Variants in CORO7 observed in about 807,000 individuals in gnomAD.
CORO7 encodes the protein coronin 7.
CORO7 carries 107 observed loss-of-function variants against 126.6 expected under a neutral mutation model. That is an observed-to-expected ratio of 0.85 (90% CI 0.72 to 0.99). The LOEUF is 0.99. Among genes scored for constraint, CORO7 ranks in the 50% least tolerant of loss-of-function variants. The pLI, the probability that CORO7 is intolerant of heterozygous loss-of-function variation, is 0.00. For missense variants in CORO7, 1,314 were observed against 1,255.8 expected (o/e 1.05, Z -0.70); for synonymous variants, 603 against 536.8 (o/e 1.12, Z -1.70).
chr16:4,394,654 C>A (rs1706070617), intron 7 of CORO7, among the ~76,000 whole-genome samples: 1 of 152,192 alleles, frequency 6.6e-6, no homozygotes, highest in Non-Finnish European at 1.5e-5. Flanking sequence ...AAGAGAAGCC[C>A]CCAGCAACTA....
intron 3 of CORO7, among the ~76,000 whole-genome samples, chr16:4,411,501 A>G (rs897136121): frequency 6.6e-6 from 1 of 152,168 alleles, no homozygotes; most frequent in African/African-American, 2.4e-5. Flanking sequence ...CAGAAGTTTG[A>G]GACCAGCCCG....
At chr16:4,386,233 G>T (rs1355503706) in intron 9 of CORO7, among the ~76,000 whole-genome samples, 1 of 152,186 alleles carries the variant, frequency 6.6e-6, no homozygotes, top group Non-Finnish European at 1.5e-5. Context: ...CTGGTCCTTC[G>T]AGGCTATTCT....
rs2053926571 is a variant in CORO7, at chr16:4,354,983, A to G, written c.*175T>C. The G allele has an allele frequency of 4.9e-6, 3 of 614,168 alleles. No individual in the cohort carries two copies. In the Admixed American group the frequency reaches 1.0e-4, roughly 21 times the overall value. 38.0% of individuals were successfully genotyped at this position (614,168 alleles called of 1,614,324 possible). ...GACCCCAGAGACAGCAGAGGTGAAA[A>G]CAGTCCCTGGGAACTGCCAGAGGCC... On this transcript the variant is annotated 3_prime_UTR_variant, in exon 28 of 28. Coordinates refer to ENST00000251166, the MANE Select transcript of CORO7 (RefSeq NM_024535.5).
chr16:4,398,895 G>A (rs1207460298), intron 6 of CORO7, among the ~76,000 whole-genome samples: 7 of 151,740 alleles, frequency 4.6e-5, no homozygotes, highest in Non-Finnish European at 1.0e-4. Flanking sequence ...ATGAACCCAG[G>A]AGGCGGGGGT....
intron 23 of CORO7, 66 bp from the exon 24 acceptor site, chr16:4,358,549 C>A: frequency 6.8e-7 from 1 of 1,469,402 alleles, no homozygotes; most frequent in South Asian, 1.3e-5. Flanking sequence ...ACGTAGTCTC[C>A]CCAGGGTGCC....
chr16:4,386,498 G>A (rs1203833133), intron 9 of CORO7, among the ~76,000 whole-genome samples: 1 of 152,208 alleles, frequency 6.6e-6, no homozygotes, highest in East Asian at 1.9e-4. Flanking sequence ...TAGAAGACAA[G>A]ATGCCAGGCA....
intron 9 of CORO7, among the ~76,000 whole-genome samples, chr16:4,377,970 C>T (rs753859057): frequency 1.3e-5 from 2 of 152,186 alleles, no homozygotes; most frequent in Non-Finnish European, 2.9e-5. Flanking sequence ...GAAAGCCACC[C>T]TGTGGCCAGA....
At chr16:4,395,208 C>T in intron 7 of CORO7, 81 bp downstream of exon 7, 1 of 1,602,858 alleles carries the variant, frequency 6.2e-7, no homozygotes, top group Non-Finnish European at 8.5e-7. Context: ...CAGGCCTGCC[C>T]CTACCTCCAC....
rs1275530805 is a variant in CORO7 at position 4,362,736 on chromosome 16, C to G, written c.1278G>C (p.Glu426Asp). The change falls in exon 15 of 28, where the codon GAG becomes GAC. Residue 426 changes from glutamate (E) to aspartate (D), a missense_variant and splice_region_variant. Glu to Asp is a conservative substitution (Grantham distance 45). Coordinates refer to ENST00000251166, the MANE Select transcript of CORO7 (RefSeq NM_024535.5). This position sits in a 1 kb window ranked among gnomAD's most constrained non-coding sequence, Gnocchi z 5.3. ...ETPVGDADAS[E>D]GFSSPPSSLT... ...GCGAACTGGGAGGGGAAGAGAAACC[C>G]TCCTGGGGAGGGGCATGGGGTCAGC... 7.1e-7 allele frequency: 1 copy of G among 1,414,442 alleles called. No individual in the cohort carries two copies. Among genetic ancestry groups the G allele is most frequent in the African/African-American group, 1.5e-5 (1 of 67,202 alleles). 87.6% of individuals were successfully genotyped at this position (1,414,442 alleles called of 1,614,324 possible).
rs3747579 is a variant in CORO7 at position 4,395,326 on chromosome 16, C to T, written c.578G>A (p.Arg193Gln). The change falls in exon 7 of 28, where the codon CGG becomes CAG. Residue 193 changes from arginine (R) to glutamine (Q), a missense_variant. Coordinates refer to ENST00000251166, the MANE Select transcript of CORO7 (RefSeq NM_024535.5). ...CGGCTTTGTTCTGGGGTCAAAGATC[C>T]GCAGCTGCTTGTCCTGGAAAAGCAG... ...VGTACKDKQL[R>Q]IFDPRTKPRA... The T allele has an allele frequency of 0.68, 1,101,536 of 1,613,632 alleles. 388,190 individuals carry two copies. Among genetic ancestry groups the T allele is most frequent in the East Asian group, 0.79 (35,539 of 44,874 alleles).
In CORO7 at chr16:4,365,503, G is replaced by A. The variant is rs1438503743; in HGVS notation, c.828C>T (p.Val276=). 6.3e-7 allele frequency: 1 copy of A among 1,575,784 alleles called. No homozygotes were observed. Among genetic ancestry groups the A allele is most frequent in the Non-Finnish European group, 8.6e-7 (1 of 1,161,046 alleles). Reference sequence around the variant, plus strand: ...GCTTCTCACTCACCTTTCCTGCCAGGACCAGGAGCCCAGAGTCAGGGTCCA... The same window carrying A: ...GCTTCTCACTCACCTTTCCTGCCAGAACCAGGAGCCCAGAGTCAGGGTCCA... ...PLLDPDSGLL[V]LAGKGERQLY... Residue 276 remains valine (V), a synonymous_variant, in exon 10 of 28, where the codon GTC becomes GTT. Transcript: ENST00000251166.
chr16:4,409,420 T>A (rs1397369292), intron 3 of CORO7, among the ~76,000 whole-genome samples: 1 of 152,194 alleles, frequency 6.6e-6, no homozygotes, highest in Non-Finnish European at 1.5e-5. Context: ...CGGGCTGGCA[T>A]CTCAGGCGTG....
chr16:4,413,817 C>T (rs1413058314), intron 1 of CORO7, among the ~76,000 whole-genome samples: 3 of 151,124 alleles, frequency 2.0e-5, no homozygotes, highest in South Asian at 2.1e-4. Context: ...GGATTACAGG[C>T]ATGAGCCTCC....
chr16:4,396,410 G>C (rs1358837201), intron 6 of CORO7, among the ~76,000 whole-genome samples: 1 of 152,186 alleles, frequency 6.6e-6, no homozygotes, highest in East Asian at 1.9e-4. Flanking sequence ...GGAAGTTGTA[G>C]AATAACATGG....
rs1039428158 is a variant in CORO7 at position 4,390,166 on chromosome 16, C to T, written c.616-1535G>A. On this transcript the variant is annotated intron_variant, in intron 7 of 27. Coordinates refer to ENST00000251166, the MANE Select transcript of CORO7 (RefSeq NM_024535.5). Reference sequence around the variant, plus strand: ...CTATGCATGCCATGGGGGAGCCGCACGGTGTTAGGGGAGGAAGCTCTGGAG... The same window carrying T: ...CTATGCATGCCATGGGGGAGCCGCATGGTGTTAGGGGAGGAAGCTCTGGAG... Among the ~76,000 whole-genome samples, 5 of 152,148 alleles carry T rather than the reference C, an allele frequency of 3.3e-5. No individual in the cohort carries two copies. In the South Asian group the frequency reaches 6.2e-4, roughly 19 times the overall value.
chr16:4,402,270 T>A (rs2055838775), intron 6 of CORO7, among the ~76,000 whole-genome samples: 1 of 149,928 alleles, frequency 6.7e-6, no homozygotes, highest in African/African-American at 2.5e-5. Context: ...TTGTTGTTTT[T>A]TAAGAGAGAG....
chr16:4,411,219 A>G (rs1284179254), intron 3 of CORO7, among the ~76,000 whole-genome samples: 1 of 152,130 alleles, frequency 6.6e-6, no homozygotes, highest in Non-Finnish European at 1.5e-5. Context: ...ACAAGACCCC[A>G]TTTTACAAAA....
intron 25 of CORO7, 121 bp downstream of exon 25, chr16:4,357,847 C>G: frequency 6.8e-7 from 1 of 1,481,190 alleles, no homozygotes; most frequent in Non-Finnish European, 9.0e-7. Flanking sequence ...CACAGCCACT[C>G]CACCCTCCCA....
intron 13 of CORO7, 38 bp downstream of exon 13, chr16:4,364,559 C>G: frequency 6.5e-7 from 1 of 1,537,074 alleles, no homozygotes; most frequent in East Asian, 2.4e-5. Context: ...ACCAGGGACT[C>G]GGGGAGGCTG....
Sources: allele counts gnomAD v4.1 joint callset (sites outside exome capture counted in the v4.1 genomes callset), GRCh38; gene constraint gnomAD v4.1.1; non-coding constraint Gnocchi (gnomAD v3.1); transcripts MANE v1.5; gene names NCBI Gene and HGNC (gene_info 2026-07-23, HGNC 2026-07-21).